WNK2: variants seen among roughly 807,000 people sequenced by gnomAD.
The protein encoded by WNK2 is serine/threonine-protein kinase WNK2.
A neutral mutation model predicts 192.1 loss-of-function variants in WNK2; 67 were observed. The ratio of observed to expected loss-of-function variants is 0.35; its 90% CI spans 0.29 to 0.43. WNK2 has a LOEUF of 0.43. Among genes scored for constraint, WNK2 ranks in the 20% least tolerant of loss-of-function variants. The pLI is 1.00. For missense variants in WNK2, 2,698 were observed against 3,089.7 expected, an observed-to-expected ratio of 0.87 and a Z score of 3.01; for synonymous variants, 1,439 against 1,393.9, an observed-to-expected ratio of 1.03 and a Z score of -0.72.
intron 23 of WNK2, among the ~76,000 whole-genome samples, chr9:93,293,652 C>CAA (rs1172488592): frequency 1.3e-5 from 2 of 152,092 alleles, no homozygotes; most frequent in Non-Finnish European, 2.9e-5. Flanking sequence ...GTCTCCCACT[C>CAA]AGAGTCCTCT....
intron 6 of WNK2, among the ~76,000 whole-genome samples, chr9:93,238,937 G>C (rs920402074): frequency 4.6e-5 from 7 of 152,152 alleles, no homozygotes; most frequent in Non-Finnish European, 7.3e-5. Flanking sequence ...ACCATCTGAC[G>C]TGACACCCCT....
chr9:93,202,053 G>T (rs368210116), intron 2 of WNK2, among the ~76,000 whole-genome samples: 6 of 152,196 alleles, frequency 3.9e-5, no homozygotes, highest in Admixed American at 3.9e-4. Context: ...TCACAGGGGG[G>T]TCTCACACTC....
At chr9:93,188,788 G>A (rs1032682344) in intron 2 of WNK2, among the ~76,000 whole-genome samples, 1 of 152,102 alleles carries the variant, frequency 6.6e-6, no homozygotes. Flanking sequence ...TGCTGATCTG[G>A]GTCACTGGCC....
intron 10 of WNK2, chr9:93,256,657 G>A: frequency 1.4e-6 from 1 of 692,434 alleles, no homozygotes; most frequent in Non-Finnish European, 2.3e-6. Context: ...GTGTGTGTTT[G>A]TGTGCGTGCA....
Position 93,245,064 on chromosome 9 carries a change from G to C in WNK2, c.1543-2479G>C, listed in dbSNP as rs368158390. On this transcript the variant is annotated intron_variant, in intron 7 of 29. Coordinates refer to ENST00000427277, the MANE Select transcript of WNK2 (RefSeq NM_006648.4). ...TGTCTCTTCTGAATCAGGGGAGACTGACCAGGGCTGTTTCTGTTAGGGAAC... is the reference window on the plus strand; with the variant it reads ...TGTCTCTTCTGAATCAGGGGAGACTCACCAGGGCTGTTTCTGTTAGGGAAC... Among the ~76,000 whole-genome samples, 129 of 151,098 alleles carry C rather than the reference G, an allele frequency of 8.5e-4. 1 individual carries two copies. The highest frequency in any genetic ancestry group is 2.9e-3 in the African/African-American group (118 of 41,074).
At chr9:93,209,206 C>T (rs1006037715) in intron 2 of WNK2, among the ~76,000 whole-genome samples, 14 of 152,108 alleles carry the variant, frequency 9.2e-5, no homozygotes, top group Admixed American at 5.9e-4. Context: ...GAGCACCTGG[C>T]GGCCTCCCTA....
chr9:93,313,781 T>C (rs1181672457), intron 28 of WNK2, among the ~76,000 whole-genome samples: 1 of 152,168 alleles, frequency 6.6e-6, no homozygotes, highest in Non-Finnish European at 1.5e-5. Context: ...TCTTTTGTCA[T>C]ATACAAGGGG....
chr9:93,290,425 G>A (rs1489257691), intron 21 of WNK2, among the ~76,000 whole-genome samples: 2 of 151,746 alleles, frequency 1.3e-5, no homozygotes, highest in East Asian at 3.9e-4. Context: ...CCAATGTGGT[G>A]CAGGGAAGCC....
intron 29 of WNK2, chr9:93,318,411 G>A: frequency 6.2e-7 from 1 of 1,614,118 alleles, no homozygotes; most frequent in Non-Finnish European, 8.5e-7. Context: ...TCCAGGGGCT[G>A]AGAGACGGCG....
At chr9:93,224,132 A>C (rs1004063797) in intron 2 of WNK2, among the ~76,000 whole-genome samples, 1 of 152,062 alleles carries the variant, frequency 6.6e-6, no homozygotes, top group Non-Finnish European at 1.5e-5. Flanking sequence ...CAGCAGGCTT[A>C]TCTCTCGGGG....
intron 2 of WNK2, among the ~76,000 whole-genome samples, chr9:93,217,435 G>T (rs926971838): frequency 6.6e-6 from 1 of 152,216 alleles, no homozygotes; most frequent in Non-Finnish European, 1.5e-5. Flanking sequence ...TTCTCCAGAA[G>T]AGTCAGAATG....
chr9:93,185,054 T>C lies in WNK2; in HGVS notation c.125T>C (p.Leu42Pro). The C allele has an allele frequency of 7.7e-7, 1 of 1,299,594 alleles. No individual in the cohort carries two copies. 80.5% of individuals were successfully genotyped at this position (1,299,594 alleles called of 1,614,324 possible). The part of the protein sequence containing the change: ...KAARPGPQRF[L>P]RRSVVESDQE... ...GCGCGGCCGGGGCCCCAGCGCTTTC[T>C]GCGGCGCAGCGTGGTAGAGTCGGAC... The change falls in exon 2 of 30, where the codon CTG becomes CCG. Residue 42 changes from leucine to proline, a missense_variant. Leu to Pro is a moderately conservative substitution (Grantham distance 98). Coordinates refer to ENST00000427277, the MANE Select transcript of WNK2 (RefSeq NM_006648.4).
At position 93,207,751 on chromosome 9, in the gene WNK2, G is replaced by A. The variant is rs74512839; in HGVS notation, c.682-21945G>A. 7.4e-3 allele frequency among the ~76,000 whole-genome samples: 1,132 copies of A among 152,372 alleles called. 21 individuals carry two copies. Among genetic ancestry groups the A allele is most frequent in the East Asian group, 0.053 (276 of 5,190 alleles). ...TGCAGTGCCTGCAACAGGGAGGCTCGCTTGCTGCCGGCACCCACGCCCTCT... is the reference window on the plus strand; with the variant it reads ...TGCAGTGCCTGCAACAGGGAGGCTCACTTGCTGCCGGCACCCACGCCCTCT... On this transcript the variant is annotated intron_variant, in intron 2 of 29. Transcript: ENST00000427277.
At chr9:93,231,223 G>A (rs1290603766) in intron 4 of WNK2, 115 bp downstream of exon 4, 4 of 1,047,386 alleles carry the variant, frequency 3.8e-6, no homozygotes, top group Non-Finnish European at 4.3e-6. Flanking sequence ...AGTGGGAGGA[G>A]CGTCTGGGCA....
At chr9:93,306,389 C>G (rs1274279573) in intron 26 of WNK2, among the ~76,000 whole-genome samples, 1 of 152,238 alleles carries the variant, frequency 6.6e-6, no homozygotes. Flanking sequence ...GTGGCCGACT[C>G]AGCAGGGTGT....
At chr9:93,198,685 T>A (rs1831746713) in intron 2 of WNK2, among the ~76,000 whole-genome samples, 2 of 152,216 alleles carry the variant, frequency 1.3e-5, no homozygotes, top group Admixed American at 6.5e-5. Flanking sequence ...TATGCCCTTC[T>A]TAGCTTGTTT....
intron 2 of WNK2, among the ~76,000 whole-genome samples, chr9:93,204,742 A>G (rs1003340692): frequency 6.6e-6 from 1 of 151,998 alleles, no homozygotes; most frequent in African/African-American, 2.4e-5. Context: ...GCAGATTGTC[A>G]GCACTGTTTG....
chr9:93,254,852 G>T (rs1282110576), intron 9 of WNK2, among the ~76,000 whole-genome samples: 1 of 152,182 alleles, frequency 6.6e-6, no homozygotes, highest in Non-Finnish European at 1.5e-5. Context: ...CTCCAGAGTG[G>T]TGGTTCTTGG....
At chr9:93,211,324 A>G (rs2131547100) in intron 2 of WNK2, among the ~76,000 whole-genome samples, 2 of 150,890 alleles carry the variant, frequency 1.3e-5, no homozygotes. Context: ...TCATCCACTC[A>G]GTCACTCTTT....
Sources: allele counts gnomAD v4.1 joint callset (sites outside exome capture counted in the v4.1 genomes callset), GRCh38; gene constraint gnomAD v4.1.1; transcripts MANE v1.5; gene names NCBI Gene and HGNC (gene_info 2026-07-23, HGNC 2026-07-21).